Variants in KTN1 observed in about 807,000 individuals in gnomAD.
KTN1 encodes kinectin 1, also known as kinectin.
KTN1 carries 130 observed loss-of-function variants against 222.5 expected under a neutral mutation model. The ratio of observed to expected loss-of-function variants is 0.58; its 90% CI spans 0.51 to 0.68. The LOEUF (loss-of-function observed/expected upper bound fraction) is 0.68, where lower values mean the gene tolerates loss of function less well. Among genes scored for constraint, KTN1 ranks in the 30% least tolerant of loss-of-function variants. The pLI, the probability that KTN1 is intolerant of heterozygous loss-of-function variation, is 0.00. For synonymous variants in KTN1, 512 were observed against 496.3 expected, an observed-to-expected ratio of 1.03 and a Z score of -0.42; for missense variants, 1,508 against 1,500.4, an observed-to-expected ratio of 1.01 and a Z score of -0.08.
intron 34 of KTN1, chr14:55,667,902 G>A (rs1212482749): frequency 2.8e-5 from 4 of 142,222 alleles, no homozygotes; most frequent in Non-Finnish European, 4.7e-5. Context: ...TAGAGTGTAG[G>A]GTCTTTTTTT....
chr14:55,625,253 T>C (rs1299876522), intron 5 of KTN1, among the ~76,000 whole-genome samples: 1 of 129,902 alleles, frequency 7.7e-6, no homozygotes, highest in Non-Finnish European at 1.8e-5. Context: ...TTAGGTGCTA[T>C]AAATAGCATA....
intron 6 of KTN1, 135 bp downstream of exon 6, chr14:55,628,163 G>T: frequency 1.6e-6 from 1 of 607,624 alleles, no homozygotes; most frequent in Non-Finnish European, 2.9e-6. Context: ...TTAGAGTTTT[G>T]GGAGGGTAGA....
At chr14:55,669,795 C>T (rs2045281669) in intron 34 of KTN1, among the ~76,000 whole-genome samples, 1 of 151,908 alleles carries the variant, frequency 6.6e-6, no homozygotes, top group Non-Finnish European at 1.5e-5. Context: ...AGGTATTGTA[C>T]TATGGAGTGA....
chr14:55,633,165 A>G, intron 7 of KTN1, 70 bp from the exon 8 acceptor site: 2 of 702,152 alleles, frequency 2.8e-6, no homozygotes, highest in Non-Finnish European at 4.5e-6. Flanking sequence ...TCATTTTAAT[A>G]AAGTTTATTT....
intron 1 of KTN1, among the ~76,000 whole-genome samples, chr14:55,607,902 A>C (rs2036973484): frequency 6.6e-6 from 1 of 152,162 alleles, no homozygotes; most frequent in Non-Finnish European, 1.5e-5. Flanking sequence ...CCATTTCTTA[A>C]ATGTGTAAAA....
chr14:55,643,861 G>A (rs560268781), intron 18 of KTN1, among the ~76,000 whole-genome samples: 3 of 152,038 alleles, frequency 2.0e-5, no homozygotes, highest in Admixed American at 6.5e-5. Flanking sequence ...ATGTTTCTAC[G>A]TACTTTTAGA....
At chr14:55,632,428 C>A (rs2140926012) in intron 7 of KTN1, among the ~76,000 whole-genome samples, 1 of 152,172 alleles carries the variant, frequency 6.6e-6, no homozygotes, top group East Asian at 1.9e-4. Flanking sequence ...AAAACATGTT[C>A]TTATGAGAAT....
intron 3 of KTN1, 49 bp from the exon 4 acceptor site, chr14:55,617,913 ACT>A: frequency 1.5e-6 from 2 of 1,296,604 alleles, no homozygotes; most frequent in Non-Finnish European, 2.1e-6. Flanking sequence ...CATGTCATTT[ACT>A]CTGTTTTGTA....
chr14:55,637,471 A>G (rs1436708540), intron 11 of KTN1, 107 bp downstream of exon 11: 2 of 810,050 alleles, frequency 2.5e-6, no homozygotes, highest in African/African-American at 1.8e-5. Context: ...TTCTGAAATG[A>G]TGATGAATAA....
At chr14:55,670,936 G>T in intron 35 of KTN1, 127 bp downstream of exon 35, 1 of 554,396 alleles carries the variant, frequency 1.8e-6, no homozygotes, top group Non-Finnish European at 3.1e-6. Context: ...AGTGTAAGAA[G>T]GTGATTTCAT....
At chr14:55,676,350 A>G (rs1314913883) in intron 41 of KTN1, among the ~76,000 whole-genome samples, 2 of 152,064 alleles carry the variant, frequency 1.3e-5, no homozygotes, top group Admixed American at 6.5e-5. Context: ...TATTTTTCCT[A>G]ATCTCAATGC....
intron 1 of KTN1, among the ~76,000 whole-genome samples, chr14:55,590,796 C>T (rs2033972468): frequency 1.3e-5 from 2 of 151,994 alleles, no homozygotes; most frequent in South Asian, 4.2e-4. Context: ...CTGCATCAGC[C>T]TCTTGAGTAG....
chr14:55,652,101 GT>G (rs970499618), intron 25 of KTN1, among the ~76,000 whole-genome samples, 174 bp downstream of exon 25: 9 of 152,096 alleles, frequency 5.9e-5, no homozygotes, highest in African/African-American at 1.9e-4. Context: ...AACCTATTAA[GT>G]TTTTTTGTGG....
At chr14:55,675,122 G>A (rs1212274343) in intron 40 of KTN1, 2 of 152,158 alleles carry the variant, frequency 1.3e-5, no homozygotes, top group Non-Finnish European at 2.9e-5. Context: ...AGTGCCCATG[G>A]GTGGGAAGCA....
chr14:55,675,892 C>T lies in KTN1; in HGVS notation c.3829C>T (p.Gln1277Ter). ...TKLRTEQNERQKVAGDLHKAQ... is the reference protein window; with the variant it reads ...TKLRTEQNER ...ACTTAGAACTGAACAAAATGAAAGA[C>T]AGAAGGTAGCTGGTGATTTGCATAA... is the stretch of plus-strand genomic sequence containing the variant. The change falls in exon 41 of 44, where the codon CAG (glutamine) becomes TAG (stop). Residue 1277 changes from glutamine (Q) to a stop codon, truncating the protein, a stop_gained. Transcript: ENST00000395314. LOFTEE classifies it high-confidence loss of function. The T allele has an allele frequency of 6.2e-7, 1 of 1,613,120 alleles. No homozygotes were observed. The highest frequency in any genetic ancestry group is 1.1e-5 in the South Asian group (1 of 91,038).
chr14:55,646,479 C>T (rs1173814230), intron 18 of KTN1, among the ~76,000 whole-genome samples: 48 of 57,990 alleles, frequency 8.3e-4, no homozygotes, highest in South Asian at 1.4e-3. Context: ...CCTTTCCTTT[C>T]CTTTCCTTTC....
Position 55,650,404 on chromosome 14 carries a change from G to C in KTN1, c.2482G>C (p.Glu828Gln). Residue 828 changes from glutamate to glutamine, a missense_variant, in exon 23 of 44, where the codon GAG (glutamate) becomes CAG (glutamine). By Grantham distance (29) the Glu-to-Gln change is conservative. Coordinates refer to ENST00000395314, the MANE Select transcript of KTN1 (RefSeq NM_001079521.2). ...AGAACTTCTCAAAGTTGCTAACAAG[G>C]AGAAAACTGTTCAGGTATTGGGAGA... ...EAELLKVANK[E>Q]KTVQDLKQEI... The C allele has an allele frequency of 1.9e-6, 3 of 1,609,600 alleles. No homozygotes were observed. The highest frequency in any genetic ancestry group is 2.5e-6 in the Non-Finnish European group (3 of 1,177,642).
intron 5 of KTN1, among the ~76,000 whole-genome samples, chr14:55,620,408 T>G (rs879297355): frequency 6.6e-6 from 1 of 152,120 alleles, no homozygotes; most frequent in Non-Finnish European, 1.5e-5. Flanking sequence ...GTGTGTAGGT[T>G]TCAACCTCAC....
intron 18 of KTN1, among the ~76,000 whole-genome samples, chr14:55,646,514 C>T (rs1250700459): frequency 8.3e-6 from 1 of 120,358 alleles, no homozygotes; most frequent in South Asian, 2.8e-4. Context: ...CCTTTCCTTT[C>T]CTTTCCTTTC....
Sources: gnomAD v4.1 joint callset for allele counts (sites outside exome capture counted in the v4.1 genomes callset) on GRCh38, gnomAD v4.1.1 for gene constraint, MANE v1.5 for transcripts, NCBI Gene and HGNC (gene_info 2026-07-23, HGNC 2026-07-21) for gene names.